The following EEA1 variants were observed in gnomAD, a reference collection of about 807,000 sequenced individuals.
EEA1 encodes early endosome antigen 1, 162kD.
A neutral mutation model predicts 209.2 loss-of-function variants in EEA1; 111 were observed. The ratio of observed to expected loss-of-function variants is 0.53; its 90% CI spans 0.45 to 0.62. EEA1 has a LOEUF of 0.62. Ranked by LOEUF, EEA1 falls within the 20% of genes least tolerant of loss-of-function variation. The pLI is 0.00. For missense variants in EEA1, 1,343 were observed against 1,530.8 expected (o/e 0.88, Z 2.05); for synonymous variants, 536 against 540.6 (o/e 0.99, Z 0.12).
chr12:92,916,380 C>T (rs1414020239), intron 1 of EEA1, among the ~76,000 whole-genome samples: 2 of 151,664 alleles, frequency 1.3e-5, no homozygotes, highest in East Asian at 1.9e-4. Flanking sequence ...CTGGGCCGGG[C>T]GCGGTGGCTC....
At chr12:92,874,006 A>T (rs1257772158) in intron 2 of EEA1, among the ~76,000 whole-genome samples, 1 of 152,150 alleles carries the variant, frequency 6.6e-6, no homozygotes, top group Non-Finnish European at 1.5e-5. Flanking sequence ...GAACTACAGA[A>T]CAATTCTTCT....
intron 9 of EEA1, among the ~76,000 whole-genome samples, chr12:92,848,231 GA>G (rs35943334): frequency 0.011 from 1,435 of 135,628 alleles, 10 homozygotes; most frequent in East Asian, 0.035. Context: ...ACCTTTTCTA[GA>G]AAAAAAAAAA....
At chr12:92,870,590 T>G (rs1592748212) in intron 2 of EEA1, among the ~76,000 whole-genome samples, 2 of 152,178 alleles carry the variant, frequency 1.3e-5, no homozygotes, top group East Asian at 3.8e-4. Context: ...TGAGACAGTC[T>G]GAGATTCAAG....
intron 21 of EEA1, among the ~76,000 whole-genome samples, chr12:92,793,338 A>T (rs902228301): frequency 1.2e-4 from 19 of 152,184 alleles, no homozygotes; most frequent in Non-Finnish European, 2.8e-4. Context: ...AGGAAGTCAA[A>T]TTGTCCCTGT....
chr12:92,862,224 A>T (rs1408983799), intron 3 of EEA1, among the ~76,000 whole-genome samples: 1 of 12,592 alleles, frequency 7.9e-5, no homozygotes, highest in Non-Finnish European at 1.3e-4. Flanking sequence ...ACGGAAACGC[A>T]TGCAGTAACT....
intron 26 of EEA1, 71 bp from the exon 27 acceptor site, chr12:92,777,734 A>G: frequency 6.9e-7 from 1 of 1,447,624 alleles, no homozygotes; most frequent in Non-Finnish European, 9.3e-7. Context: ...GGTATAGATA[A>G]TGGACTACTT....
intron 21 of EEA1, among the ~76,000 whole-genome samples, chr12:92,791,468 T>G (rs1348838838): frequency 6.6e-6 from 1 of 152,136 alleles, no homozygotes; most frequent in Non-Finnish European, 1.5e-5. Flanking sequence ...CACCAGGGGT[T>G]GCAATCCTAG....
At chr12:92,874,536 T>C (rs1020172348) in intron 2 of EEA1, among the ~76,000 whole-genome samples, 2 of 152,042 alleles carry the variant, frequency 1.3e-5, no homozygotes, top group African/African-American at 4.8e-5. Context: ...TGGCTAATTT[T>C]TGTATTTTTA....
chr12:92,828,552 A>G (rs1876431440), intron 11 of EEA1, among the ~76,000 whole-genome samples: 1 of 151,426 alleles, frequency 6.6e-6, no homozygotes, highest in African/African-American at 2.4e-5. Context: ...ATACTGGCAC[A>G]TAATTTCTAA....
rs569991895 is a variant in EEA1 at position 92,812,330 on chromosome 12, T to TA, written c.2043+649dup. Among the ~76,000 whole-genome samples, 597 of 139,414 alleles carry TA rather than the reference T, an allele frequency of 4.3e-3. 5 individuals are homozygous for TA. The highest frequency in any genetic ancestry group is 9.2e-3 in the African/African-American group (348 of 37,914). 91.5% of individuals were successfully genotyped at this position (139,414 alleles called of 152,430 possible). A position where few individuals can be genotyped will look rare whatever the true frequency, so the allele number is the denominator to read the frequency against. ...GGTAACAAGAGCAAAAAACTCCATC[T>TA]AAAAAAAAAAAAGACCAATAACTAA... On this transcript the variant is annotated intron_variant, in intron 16 of 28. Coordinates refer to ENST00000322349, the MANE Select transcript of EEA1 (RefSeq NM_003566.4).
chr12:92,847,277 C>CT (rs1341543204), intron 9 of EEA1, among the ~76,000 whole-genome samples: 2 of 152,046 alleles, frequency 1.3e-5, no homozygotes, highest in Non-Finnish European at 2.9e-5. Context: ...TTTTTAGCTT[C>CT]TTTAATTCCT....
intron 18 of EEA1, among the ~76,000 whole-genome samples, chr12:92,803,707 T>C (rs1875048609): frequency 6.6e-6 from 1 of 152,058 alleles, no homozygotes; most frequent in South Asian, 2.1e-4. Flanking sequence ...TTTTACCTCC[T>C]AAAAAATAGC....
intron 15 of EEA1, among the ~76,000 whole-genome samples, chr12:92,814,313 C>T (rs1390068606): frequency 2.6e-5 from 4 of 152,020 alleles, no homozygotes; most frequent in Non-Finnish European, 4.4e-5. Context: ...AGAAATCTTC[C>T]CTTTAAACAA....
intron 1 of EEA1, among the ~76,000 whole-genome samples, chr12:92,906,191 A>G (rs1309506085): frequency 1.3e-5 from 2 of 151,608 alleles, no homozygotes; most frequent in African/African-American, 4.9e-5. Flanking sequence ...TCCTGGGTTC[A>G]AGATATCCTC....
rs1025672141 is a variant in EEA1, at chr12:92,817,029, T to TA, written c.1729-630dup. 1.9e-4 allele frequency among the ~76,000 whole-genome samples: 29 copies of TA among 151,320 alleles called. 2 individuals carry two copies. The highest frequency in any genetic ancestry group is 6.9e-4 in the African/African-American group (28 of 40,574). On this transcript the variant is annotated intron_variant, in intron 14 of 28. Transcript: ENST00000322349. ...TCACCAAGCTTTTTGACCATGTTTT[T>TA]AACCAAAAATTAAAGTTTTTTCATT... is the stretch of plus-strand genomic sequence containing the variant.
chr12:92,802,878 C>T (rs753360009), intron 18 of EEA1, 144 bp from the exon 19 acceptor site: 24 of 609,802 alleles, frequency 3.9e-5, no homozygotes, highest in South Asian at 1.9e-4. Context: ...TTCATAAAAT[C>T]GCACCACTGA....
At chr12:92,852,355 CAT>C (rs1877669957) in intron 7 of EEA1, 59 bp from the exon 8 acceptor site, 1 of 1,240,436 alleles carries the variant, frequency 8.1e-7, no homozygotes, top group Admixed American at 2.6e-5. Context: ...TATAAGTTTC[CAT>C]ATATTACTCT....
intron 9 of EEA1, among the ~76,000 whole-genome samples, chr12:92,847,432 A>C (rs747314187): frequency 2.0e-5 from 3 of 152,218 alleles, no homozygotes; most frequent in Non-Finnish European, 4.4e-5. Flanking sequence ...AATTAATAAA[A>C]CGTCATATAT....
chr12:92,889,041 A>G (rs1348308165), intron 2 of EEA1, among the ~76,000 whole-genome samples: 3 of 151,934 alleles, frequency 2.0e-5, no homozygotes, highest in African/African-American at 7.3e-5. Context: ...AATCCCAACT[A>G]CTTAGGAGGC....
Sources: gnomAD v4.1 joint callset for allele counts (sites outside exome capture counted in the v4.1 genomes callset) on GRCh38, gnomAD v4.1.1 for gene constraint, MANE v1.5 for transcripts, NCBI Gene and HGNC (gene_info 2026-07-23, HGNC 2026-07-21) for gene names.